The following NUCB2 variants were observed in gnomAD, a reference collection of about 807,000 sequenced individuals.
NUCB2 encodes nucleobindin 2.
Under a neutral mutation model 57.9 loss-of-function variants are expected in NUCB2, and 48 were observed. That is an observed-to-expected ratio of 0.83 (90% CI 0.66 to 1.05). NUCB2 has a LOEUF of 1.05. NUCB2 is among the 50% of genes least tolerant of loss of function. The pLI is 0.00. For missense variants in NUCB2, 442 were observed against 476.2 expected (o/e 0.93, Z 0.67); for synonymous variants, 139 against 152.1 (o/e 0.91, Z 0.64).
chr11:17,339,002 T>G (rs1165989758), intron 2 of NUCB2, among the ~76,000 whole-genome samples: 1 of 150,824 alleles, frequency 6.6e-6, no homozygotes, highest in East Asian at 1.9e-4. Context: ...ATTTATTTAT[T>G]TTTGAGATGG....
chr11:17,314,049 C>T lies in NUCB2; in HGVS notation c.913-1337C>T, dbSNP rs563598710. ...ATCTTCTTCAAACCCAGATCTGTTC[C>T]TTCCTCAGCCTTTTTCATTTCAACA... On this transcript the variant is annotated intron_variant, in intron 10 of 13. Coordinates refer to ENST00000529010, the MANE Select transcript of NUCB2 (RefSeq NM_005013.4). Among the ~76,000 whole-genome samples, 4 of 152,174 alleles carry T rather than the reference C, an allele frequency of 2.6e-5. No homozygotes were observed. In the East Asian group the frequency reaches 7.7e-4, roughly 29 times the overall value.
intron 5 of NUCB2, among the ~76,000 whole-genome samples, chr11:17,304,470 A>G (rs1298228978): frequency 6.6e-6 from 1 of 152,232 alleles, no homozygotes; most frequent in Non-Finnish European, 1.5e-5. Context: ...CTGGGATTAC[A>G]GGCATTAGCC....
intron 1 of NUCB2, chr11:17,278,677 T>C (rs1281204430): frequency 1.3e-5 from 2 of 152,216 alleles, no homozygotes; most frequent in African/African-American, 2.4e-5. Context: ...CACAACTAAT[T>C]ATGGGCACTA....
At chr11:17,306,207 G>T (rs773437707) in intron 5 of NUCB2, among the ~76,000 whole-genome samples, 1 of 152,052 alleles carries the variant, frequency 6.6e-6, no homozygotes, top group Non-Finnish European at 1.5e-5. Flanking sequence ...CCCATAGGTT[G>T]GTTATCTGGG....
intron 2 of NUCB2, among the ~76,000 whole-genome samples, chr11:17,340,667 C>T (rs186666477): frequency 8.5e-5 from 13 of 152,132 alleles, no homozygotes; most frequent in Admixed American, 2.6e-4. Context: ...TGTAGATATG[C>T]GGCATTATTT....
chr11:17,345,868 AATTTG>A (rs908618423), intron 2 of NUCB2, among the ~76,000 whole-genome samples: 59 of 152,166 alleles, frequency 3.9e-4, no homozygotes, highest in African/African-American at 1.3e-3. Context: ...ATTGGATTTT[AATTTG>A]ATAGAGAATC....
chr11:17,332,163 T>G lies in NUCB2; in HGVS notation c.*744T>G, dbSNP rs939375451. The G allele has an allele frequency of 6.6e-6, 1 of 152,130 alleles. No individual in the cohort carries two copies. The highest frequency in any genetic ancestry group is 2.4e-5 in the African/African-American group (1 of 41,422). 9.4% of individuals were successfully genotyped at this position (152,130 alleles called of 1,614,324 possible). A position where few individuals can be genotyped will look rare whatever the true frequency, so the allele number is the denominator to read the frequency against. ...TGCTCTGCTATCCTCAGTGCATGAT[T>G]TTTATCCTCAGATTACCTCACTCTC... is the stretch of plus-strand genomic sequence containing the variant. On this transcript the variant is annotated 3_prime_UTR_variant, in exon 14 of 14. Transcript: ENST00000529010.
intron 2 of NUCB2, among the ~76,000 whole-genome samples, chr11:17,293,178 C>T (rs920215581): frequency 3.3e-5 from 5 of 150,454 alleles, no homozygotes; most frequent in Non-Finnish European, 5.9e-5. Flanking sequence ...CGCTTGAACC[C>T]GGGAGGCAGA....
In NUCB2 at chr11:17,288,884, C is replaced by T. The variant is rs1395020518; in HGVS notation, c.-1+5941C>T. On this transcript the variant is annotated intron_variant, in intron 2 of 13. Transcript: ENST00000529010. ...AAGTCTATTTAATAACATGTATATA[C>T]ACACACACACACACACACACACACA... Among the ~76,000 whole-genome samples, 110 of 11,702 alleles carry T rather than the reference C, an allele frequency of 9.4e-3. 1 individual carries two copies. The highest frequency in any genetic ancestry group is 0.044 in the African/African-American group (82 of 1,870). 7.7% of individuals were successfully genotyped at this position (11,702 alleles called of 152,430 possible).
chr11:17,323,760 T>C (rs1330418713), intron 11 of NUCB2, among the ~76,000 whole-genome samples: 1 of 152,196 alleles, frequency 6.6e-6, no homozygotes, highest in Non-Finnish European at 1.5e-5. Flanking sequence ...TTGTTACTGG[T>C]CTGTTCAGGT....
intron 2 of NUCB2, among the ~76,000 whole-genome samples, chr11:17,288,963 ATTT>A (rs1555071216): frequency 1.5e-5 from 1 of 68,100 alleles, no homozygotes; most frequent in African/African-American, 6.9e-5. Context: ...ATATATATAT[ATTT>A]TTTTTTTTTG....
intron 1 of NUCB2, among the ~76,000 whole-genome samples, chr11:17,282,021 T>A (rs1191392517): frequency 1.3e-5 from 2 of 151,710 alleles, no homozygotes; most frequent in African/African-American, 4.8e-5. Flanking sequence ...CAAAGTTAAT[T>A]TTTTTAAATT....
At chr11:17,308,581 T>G (rs1220602169) in intron 5 of NUCB2, among the ~76,000 whole-genome samples, 1 of 152,208 alleles carries the variant, frequency 6.6e-6, no homozygotes, top group Non-Finnish European at 1.5e-5. Flanking sequence ...CCCATTTTGC[T>G]CAATTCTAGA....
chr11:17,289,101 C>T (rs976202877), intron 2 of NUCB2, among the ~76,000 whole-genome samples: 1 of 151,646 alleles, frequency 6.6e-6, no homozygotes, highest in African/African-American at 2.4e-5. Flanking sequence ...GGACTACAGG[C>T]GTGTGCCACC....
downstream of NUCB2, among the ~76,000 whole-genome samples, chr11:17,335,938 T>A (rs1260871289): frequency 1.3e-5 from 2 of 152,276 alleles, no homozygotes; most frequent in Non-Finnish European, 1.5e-5. Flanking sequence ...AATTTATTAC[T>A]AATTTGAAGT....
chr11:17,282,047 G>T (rs1304417285), intron 1 of NUCB2, among the ~76,000 whole-genome samples: 1 of 151,270 alleles, frequency 6.6e-6, no homozygotes, highest in Non-Finnish European at 1.5e-5. Context: ...TAAGAGTAAA[G>T]AAAAATTCCA....
chr11:17,312,124 T>C lies in NUCB2; in HGVS notation c.912+4T>C, dbSNP rs776633975. ...GAGGGAACATGTAATGAATGAGGTA[T>C]GTTTTAAAAGTTTAAGATAATATGT... On this transcript the variant is annotated splice_donor_region_variant and intron_variant, in intron 10 of 13. Transcript: ENST00000529010. The C allele has an allele frequency of 1.1e-5, 15 of 1,356,746 alleles. No homozygotes were observed. The highest frequency in any genetic ancestry group is 1.5e-5 in the African/African-American group (1 of 68,434). The allele number at this position is 1,356,746 out of a possible 1,614,324, so 84.0% of individuals were successfully genotyped here. A position where few individuals can be genotyped will look rare whatever the true frequency, so the allele number is the denominator to read the frequency against.
At chr11:17,323,536 T>C (rs1428135169) in intron 11 of NUCB2, among the ~76,000 whole-genome samples, 1 of 152,186 alleles carries the variant, frequency 6.6e-6, no homozygotes, top group African/African-American at 2.4e-5. Flanking sequence ...ATTTTCTTTT[T>C]TCGATGTGAC....
At position 17,315,396 on chromosome 11, in the gene NUCB2, A is replaced by G. The variant is rs1949084839; in HGVS notation, c.923A>G (p.Asn308Ser). ...REHVMNEVDT[N>S]KDRLVTLEEF... The stretch of plus-strand genomic sequence containing the variant: ...TTTTGTTTTAATCAGGTTGATACTA[A>G]CAAAGACAGATTGGTGACTCTGGAG... The change falls in exon 11 of 14, where the codon AAC becomes AGC. Residue 308 changes from asparagine to serine, a missense_variant. By Grantham distance (46) the Asn-to-Ser change is conservative. Coordinates refer to ENST00000529010, the MANE Select transcript of NUCB2 (RefSeq NM_005013.4). The G allele has an allele frequency of 1.2e-6, 2 of 1,604,466 alleles. No individual in the cohort carries two copies. Among genetic ancestry groups the G allele is most frequent in the Non-Finnish European group, 1.7e-6 (2 of 1,172,480 alleles).
Sources: gnomAD v4.1 joint callset for allele counts (sites outside exome capture counted in the v4.1 genomes callset) on GRCh38, gnomAD v4.1.1 for gene constraint, MANE v1.5 for transcripts, NCBI Gene and HGNC (gene_info 2026-07-23, HGNC 2026-07-21) for gene names.